Variants in TMEM245 observed in about 807,000 individuals in gnomAD.
The protein encoded by TMEM245 is protein CG-2.
A neutral mutation model predicts 101.2 loss-of-function variants in TMEM245; 69 were observed. The ratio of observed to expected loss-of-function variants is 0.68; its 90% CI spans 0.56 to 0.83. The LOEUF (loss-of-function observed/expected upper bound fraction) is 0.83. TMEM245 is among the 40% of genes least tolerant of loss of function. TMEM245 has a pLI of 0.00. For missense variants in TMEM245, 1,075 were observed against 1,092.8 expected, an observed-to-expected ratio of 0.98 and a Z score of 0.23; for synonymous variants, 537 against 449.8, an observed-to-expected ratio of 1.19 and a Z score of -2.45.
intron 8 of TMEM245, among the ~76,000 whole-genome samples, chr9:109,075,463 A>C (rs1377973330): frequency 1.3e-5 from 2 of 152,178 alleles, no homozygotes; most frequent in Admixed American, 1.3e-4. Context: ...TGTTTGATAA[A>C]ACTCATCAGT....
chr9:109,106,173 T>C (rs1830414709), intron 3 of TMEM245, among the ~76,000 whole-genome samples: 1 of 136,228 alleles, frequency 7.3e-6, no homozygotes, highest in Non-Finnish European at 1.6e-5. Flanking sequence ...TACAGTGAGC[T>C]ATGATTGTGC....
At chr9:109,046,570 C>T (rs1828498757) in intron 14 of TMEM245, among the ~76,000 whole-genome samples, 1 of 152,174 alleles carries the variant, frequency 6.6e-6, no homozygotes, top group Admixed American at 6.5e-5. Flanking sequence ...CACGAACAGA[C>T]ACTATCACTG....
At chr9:109,090,113 T>C (rs922891237) in intron 5 of TMEM245, among the ~76,000 whole-genome samples, 2 of 151,822 alleles carry the variant, frequency 1.3e-5, no homozygotes, top group African/African-American at 4.8e-5. Flanking sequence ...TACAAAAAAT[T>C]AGCCAGGGGT....
chr9:109,119,794 C>T lies in TMEM245; in HGVS notation c.120G>A (p.Ala40=), dbSNP rs1588089735. 1.4e-5 allele frequency: 21 copies of T among 1,463,764 alleles called. No homozygotes were observed. Among genetic ancestry groups the T allele is most frequent in the Non-Finnish European group, 1.7e-5 (19 of 1,110,724 alleles). The allele number at this position is 1,463,764 out of a possible 1,614,324, so 90.7% of individuals were successfully genotyped here. ...GCTTGTCGAAGCGCAGCGCCAGCGC[C>T]GCGGTCCGCGGGGTCTCCCCGCCAC... ...SGGGGETPRT[A]ALALRFDKPI... is the part of the protein sequence containing the mutation. Residue 40 remains alanine, a synonymous_variant, in exon 1 of 18, where the codon GCG becomes GCA. Transcript: ENST00000374586.
chr9:109,096,890 T>C (rs759069251), intron 3 of TMEM245, among the ~76,000 whole-genome samples: 1 of 152,254 alleles, frequency 6.6e-6, no homozygotes, highest in East Asian at 1.9e-4. Context: ...TAATGGACTT[T>C]CAGTTCAGCT....
intron 5 of TMEM245, among the ~76,000 whole-genome samples, chr9:109,087,721 C>T (rs1040910267): frequency 6.6e-6 from 1 of 152,226 alleles, no homozygotes; most frequent in Non-Finnish European, 1.5e-5. Flanking sequence ...ATTTCCTCAT[C>T]TCCTTGGCTT....
chr9:109,106,733 A>G, intron 2 of TMEM245, 124 bp from the exon 3 acceptor site: 1 of 597,514 alleles, frequency 1.7e-6, no homozygotes, highest in South Asian at 3.9e-5. Context: ...ATTACTTATC[A>G]GGCAAAAAAA....
At chr9:109,103,794 T>A (rs1830337857) in intron 3 of TMEM245, among the ~76,000 whole-genome samples, 1 of 151,746 alleles carries the variant, frequency 6.6e-6, no homozygotes, top group Non-Finnish European at 1.5e-5. Context: ...CCAAAAAGTT[T>A]AAAAAAATGG....
chr9:109,116,567 T>G (rs746412864), intron 1 of TMEM245, among the ~76,000 whole-genome samples: 11 of 151,746 alleles, frequency 7.2e-5, no homozygotes, highest in Admixed American at 2.6e-4. Context: ...GGTATTGCTC[T>G]GTCACCTAGG....
chr9:109,038,206 A>G (rs1828196803), intron 14 of TMEM245, 89 bp from the exon 15 acceptor site: 2 of 894,476 alleles, frequency 2.2e-6, no homozygotes, highest in Middle Eastern at 2.3e-4. Flanking sequence ...ATTCCAAATC[A>G]TGTAATAGCT....
chr9:109,097,790 G>A (rs765534540), intron 3 of TMEM245, among the ~76,000 whole-genome samples: 3 of 152,014 alleles, frequency 2.0e-5, no homozygotes, highest in Non-Finnish European at 2.9e-5. Flanking sequence ...GTATGGTGGC[G>A]CATGCTTGTA....
intron 9 of TMEM245, among the ~76,000 whole-genome samples, chr9:109,072,606 G>A (rs961884725): frequency 6.6e-6 from 1 of 152,164 alleles, no homozygotes; most frequent in Non-Finnish European, 1.5e-5. Flanking sequence ...GGTACCCTAC[G>A]GGTGGTGTTG....
chr9:109,054,228 GGAA>G lies in TMEM245; in HGVS notation c.1854+2960_1854+2962del, dbSNP rs763164310. 5.3e-5 allele frequency among the ~76,000 whole-genome samples: 8 copies of G among 152,286 alleles called. No homozygotes were observed. In the South Asian group the frequency reaches 1.0e-3, roughly 20 times the overall value. ...TGCCTGTAGTCCCAGCTACTCAGGA[GGAA>G]GAAGGAGGAGGATGAAGCAGAAGGA... On this transcript the variant is annotated intron_variant, in intron 12 of 17. Coordinates refer to ENST00000374586, the MANE Select transcript of TMEM245 (RefSeq NM_032012.4).
At chr9:109,031,273 C>T (rs1392041620) in intron 17 of TMEM245, among the ~76,000 whole-genome samples, 1 of 152,170 alleles carries the variant, frequency 6.6e-6, no homozygotes, top group East Asian at 1.9e-4. Context: ...TGTACAAAAA[C>T]GTTCGTGGCA....
At chr9:109,105,011 G>A (rs1174555983) in intron 3 of TMEM245, among the ~76,000 whole-genome samples, 1 of 151,976 alleles carries the variant, frequency 6.6e-6, no homozygotes, top group African/African-American at 2.4e-5. Flanking sequence ...TAGATAAACT[G>A]GACTTCATCA....
rs1395075432 is a variant in TMEM245 at position 109,119,903 on chromosome 9, C to A, written c.11G>T (p.Gly4Val). 10 of 1,272,630 alleles carry A rather than the reference C, an allele frequency of 7.9e-6. No individual in the cohort carries two copies. Among genetic ancestry groups the A allele is most frequent in the Middle Eastern group, 2.8e-4 (1 of 3,530 alleles). The allele number at this position is 1,272,630 out of a possible 1,614,324, so 78.8% of individuals were successfully genotyped here. A position where few individuals can be genotyped will look rare whatever the true frequency, so the allele number is the denominator to read the frequency against. The stretch of plus-strand genomic sequence containing the variant: ...GCTTGGCGCGTCCTTAGGGCCGCCG[C>A]CGTCGGCCATCGTTCCTCCGCCACA... MAD[G>V]GGPKDAPSLR... The change falls in exon 1 of 18, where the codon GGC (glycine) becomes GTC (valine). Residue 4 changes from glycine to valine, a missense_variant. Physicochemically the swap from Gly to Val is moderately radical, Grantham distance 109 (BLOSUM62 -3). This residue lies in a region of TMEM245 where 808 missense variants were observed against 741.5 expected (regional missense o/e 1.09). Coordinates refer to ENST00000374586, the MANE Select transcript of TMEM245 (RefSeq NM_032012.4).
chr9:109,052,595 C>T (rs1828719294), intron 12 of TMEM245, among the ~76,000 whole-genome samples: 1 of 152,226 alleles, frequency 6.6e-6, no homozygotes, highest in Non-Finnish European at 1.5e-5. Context: ...TAAGAGAACT[C>T]CGGCAGGCTG....
At chr9:109,112,346 G>A (rs1376153371) in intron 1 of TMEM245, among the ~76,000 whole-genome samples, 1 of 151,948 alleles carries the variant, frequency 6.6e-6, no homozygotes, top group Non-Finnish European at 1.5e-5. Context: ...TTCGAGACCA[G>A]CCTGGCCAAT....
At chr9:109,106,309 G>T (rs190576720) in intron 3 of TMEM245, among the ~76,000 whole-genome samples, 199 bp downstream of exon 3, 63 of 137,274 alleles carry the variant, frequency 4.6e-4, no homozygotes, top group African/African-American at 1.5e-3. Flanking sequence ...TTAACTTTAA[G>T]TTATACATGC....
Sources: gnomAD v4.1 joint callset for allele counts (sites outside exome capture counted in the v4.1 genomes callset) on GRCh38, gnomAD v4.1.1 for gene constraint, gnomAD v4.1.1 regional missense constraint, MANE v1.5 for transcripts, NCBI Gene and HGNC (gene_info 2026-07-23, HGNC 2026-07-21) for gene names.